Variants in IGSF11 observed in about 807,000 individuals in gnomAD.
The protein encoded by IGSF11 is CXADR like 1.
In IGSF11, 22 loss-of-function variants were observed where a neutral mutation model predicts 41.0. The ratio of observed to expected loss-of-function variants is 0.54; its 90% CI spans 0.38 to 0.77. The LOEUF (loss-of-function observed/expected upper bound fraction) is 0.77, where lower values mean the gene tolerates loss of function less well. IGSF11 is among the 30% of genes least tolerant of loss of function. The pLI, the probability that IGSF11 is intolerant of heterozygous loss-of-function variation, is 0.00. For synonymous variants in IGSF11, 219 were observed against 201.3 expected (o/e 1.09, Z -0.74); for missense variants, 444 against 530.8 (o/e 0.84, Z 1.61).
At chr3:119,117,946 A>G (rs1559878135) in intron 1 of IGSF11, among the ~76,000 whole-genome samples, 1 of 152,218 alleles carries the variant, frequency 6.6e-6, no homozygotes, top group Non-Finnish European at 1.5e-5. Context: ...CGTGTCTCAC[A>G]TCTGGGTCAC....
At chr3:118,994,387 T>C (rs1417398540) in intron 1 of IGSF11, among the ~76,000 whole-genome samples, 2 of 152,216 alleles carry the variant, frequency 1.3e-5, no homozygotes, top group African/African-American at 2.4e-5. Context: ...CTGGGCACAG[T>C]GGCTCATGCC....
intron 1 of IGSF11, 51 bp downstream of exon 1, chr3:119,034,480 C>G: frequency 6.9e-7 from 1 of 1,456,918 alleles, no homozygotes; most frequent in Non-Finnish European, 9.1e-7. Context: ...TCGCCCCGGG[C>G]CCGCCGACCC....
intron 1 of IGSF11, among the ~76,000 whole-genome samples, chr3:119,112,305 C>T (rs1255638602): frequency 6.6e-6 from 1 of 152,162 alleles, no homozygotes; most frequent in African/African-American, 2.4e-5. Flanking sequence ...ATGGTGGGCG[C>T]CCCTCCCCCA....
chr3:119,089,372 C>A lies in IGSF11; in HGVS notation c.49+15772G>T, dbSNP rs550732270. ...CACAGAAAAGCTTTCCAATAAAATA[C>A]AATATTCCTTCATGATAAAAAACCC... On this transcript the variant is annotated intron_variant, in intron 1 of 6. Coordinates refer to the IGSF11 transcript ENST00000354673. 5.9e-5 allele frequency among the ~76,000 whole-genome samples: 9 copies of A among 152,116 alleles called. No individual in the cohort carries two copies. The South Asian group carries it at 1.9e-3, about 32-fold the overall frequency.
At chr3:119,113,173 C>A (rs1420129964) in intron 1 of IGSF11, among the ~76,000 whole-genome samples, 1 of 152,114 alleles carries the variant, frequency 6.6e-6, no homozygotes, top group East Asian at 1.9e-4. Context: ...GACAGAAATA[C>A]AAAACATATC....
intron 1 of IGSF11, 36 bp downstream of exon 1, chr3:119,034,495 T>G: frequency 6.6e-7 from 1 of 1,525,312 alleles, no homozygotes; most frequent in Non-Finnish European, 8.8e-7. Flanking sequence ...CGACCCGGCC[T>G]GGCCCCACCG....
chr3:119,137,372 A>G (rs2077577097), intron 1 of IGSF11, among the ~76,000 whole-genome samples: 1 of 152,208 alleles, frequency 6.6e-6, no homozygotes, highest in Non-Finnish European at 1.5e-5. Context: ...AAAAACAGAC[A>G]CATAGACCAG....
At chr3:119,144,983 G>A (rs1576848623) in intron 1 of IGSF11, among the ~76,000 whole-genome samples, 1 of 152,168 alleles carries the variant, frequency 6.6e-6, no homozygotes, top group Non-Finnish European at 1.5e-5. Context: ...ATCCAATGGT[G>A]TCATGCATTT....
intron 1 of IGSF11, among the ~76,000 whole-genome samples, chr3:119,085,985 G>T (rs1347195605): frequency 6.6e-6 from 1 of 152,230 alleles, no homozygotes. Flanking sequence ...CAGAGTTTTT[G>T]TGAGTTTCAA....
intron 1 of IGSF11, among the ~76,000 whole-genome samples, chr3:119,002,299 A>G (rs1284599605): frequency 2.1e-4 from 31 of 147,052 alleles, no homozygotes; most frequent in Non-Finnish European, 3.9e-4. Context: ...CATGTCCTTC[A>G]CCCACTTTTT....
chr3:119,061,951 G>A (rs1942066255), intron 1 of IGSF11, among the ~76,000 whole-genome samples: 1 of 151,958 alleles, frequency 6.6e-6, no homozygotes, highest in African/African-American at 2.4e-5. Context: ...AATGATAAAA[G>A]GTTTGCTTAA....
intron 1 of IGSF11, among the ~76,000 whole-genome samples, chr3:119,029,516 A>G (rs1940195194): frequency 6.6e-6 from 1 of 152,352 alleles, no homozygotes; most frequent in South Asian, 2.1e-4. Context: ...ATAACTGGAA[A>G]GAACCAGGAC....
At chr3:119,075,439 A>G (rs148962310) in intron 1 of IGSF11, among the ~76,000 whole-genome samples, 5 of 152,330 alleles carry the variant, frequency 3.3e-5, no homozygotes, top group African/African-American at 1.2e-4. Flanking sequence ...ACTATTCCAA[A>G]AAAACAAAGA....
At chr3:119,051,313 G>A (rs1479447458) in intron 1 of IGSF11, among the ~76,000 whole-genome samples, 1 of 151,836 alleles carries the variant, frequency 6.6e-6, no homozygotes, top group African/African-American at 2.4e-5. Context: ...AAAGTAAGCA[G>A]GAGTAGCTGT....
chr3:118,947,245 A>T (rs1186780107), intron 1 of IGSF11: 3 of 152,366 alleles, frequency 2.0e-5, no homozygotes, highest in African/African-American at 4.8e-5. Context: ...TGACAACGAT[A>T]TGACTAGGTG....
At chr3:119,052,746 A>G (rs1019714477) in intron 1 of IGSF11, among the ~76,000 whole-genome samples, 1 of 152,134 alleles carries the variant, frequency 6.6e-6, no homozygotes, top group Non-Finnish European at 1.5e-5. Context: ...AAAATCCTCG[A>G]CAAAATACTA....
chr3:119,073,229 C>T (rs1436671681), intron 1 of IGSF11, among the ~76,000 whole-genome samples: 1 of 152,160 alleles, frequency 6.6e-6, no homozygotes, highest in East Asian at 1.9e-4. Flanking sequence ...GGTGCATTCA[C>T]AAACCTTGAG....
At chr3:119,055,781 A>G (rs1274463146) in intron 1 of IGSF11, among the ~76,000 whole-genome samples, 7 of 152,268 alleles carry the variant, frequency 4.6e-5, no homozygotes, top group Non-Finnish European at 1.0e-4. Flanking sequence ...CTCTCAGACC[A>G]CAGTGCAATC....
At chr3:118,905,910 G>A (rs1160871761) in intron 4 of IGSF11, among the ~76,000 whole-genome samples, 192 bp from the exon 5 acceptor site, 1 of 152,094 alleles carries the variant, frequency 6.6e-6, no homozygotes, top group East Asian at 1.9e-4. Context: ...TTAAAGACCT[G>A]GAACTTTGGA....
Sources: allele counts gnomAD v4.1 joint callset (sites outside exome capture counted in the v4.1 genomes callset), GRCh38; gene constraint gnomAD v4.1.1; transcripts MANE v1.5; gene names NCBI Gene and HGNC (gene_info 2026-07-23, HGNC 2026-07-21).